GRSF1: variants seen among roughly 807,000 people sequenced by gnomAD.
GRSF1 encodes the protein G-rich RNA sequence binding factor 1.
A neutral mutation model predicts 51.1 loss-of-function variants in GRSF1; 50 were observed. The ratio of observed to expected loss-of-function variants is 0.98; its 90% CI spans 0.78 to 1.24. The LOEUF (loss-of-function observed/expected upper bound fraction) is 1.24, where lower values mean the gene tolerates loss of function less well. Ranked by LOEUF, GRSF1 falls within the 50% of genes most tolerant of loss-of-function variation. GRSF1 has a pLI of 0.00. For missense variants in GRSF1, 700 were observed against 639.7 expected, an observed-to-expected ratio of 1.09 and a Z score of -1.02; for synonymous variants, 293 against 253.3, an observed-to-expected ratio of 1.16 and a Z score of -1.49.
chr4:70,839,465 A>G lies in GRSF1; in HGVS notation c.357+6T>C, dbSNP rs1734370556. The G allele has an allele frequency of 8.9e-6, 13 of 1,459,202 alleles. No homozygotes were observed. In the Admixed American group the frequency reaches 3.1e-4, roughly 34 times the overall value. 90.4% of individuals were successfully genotyped at this position (1,459,202 alleles called of 1,614,324 possible). On this transcript the variant is annotated splice_donor_region_variant and intron_variant, in intron 1 of 9. Transcript: ENST00000254799. The stretch of plus-strand genomic sequence containing the variant: ...TCGCGCCAGGTCCCTCACGGCGCCC[A>G]CGTACCTGGCTGTAGCTGCGCGTCG...
Position 70,839,683 on chromosome 4 carries a change from G to A in GRSF1, c.145C>T (p.Leu49=). The change falls in exon 1 of 10, where the codon CTG becomes TTG. Residue 49 remains leucine (L), a synonymous_variant. Coordinates refer to ENST00000254799, the MANE Select transcript of GRSF1 (RefSeq NM_002092.4). ...IPSGVSGRRR[L]LLLLGAAAAA... ...GCGGCGGCCCCGAGCAGCAGCAGCA[G>A]GCGGCGGCGGCCCGAGACGCCCGAC... 6.9e-7 allele frequency: 1 copy of A among 1,443,284 alleles called. No individual in the cohort carries two copies. Among genetic ancestry groups the A allele is most frequent in the Non-Finnish European group, 9.0e-7 (1 of 1,109,318 alleles). The allele number at this position is 1,443,284 out of a possible 1,614,324, so 89.4% of individuals were successfully genotyped here.
intron 9 of GRSF1, among the ~76,000 whole-genome samples, chr4:70,821,095 TTAACACCAA>T (rs1733477508): frequency 6.6e-6 from 1 of 152,184 alleles, no homozygotes; most frequent in South Asian, 2.1e-4. Context: ...TTATAAATAT[TTAACACCAA>T]AGAATTGTGG....
At chr4:70,825,560 T>C (rs1041622996) in intron 7 of GRSF1, 129 bp from the exon 8 acceptor site, 6 of 606,984 alleles carry the variant, frequency 9.9e-6, no homozygotes, top group Non-Finnish European at 1.6e-5. Context: ...AGGAAATCTT[T>C]TTAAGCAGTA....
rs1452017655 is a variant in GRSF1, at chr4:70,825,947, C to T, written c.1257+177G>A. The T allele has an allele frequency of 5.2e-6, 3 of 576,310 alleles. No homozygotes were observed. In the African/African-American group the frequency reaches 5.8e-5, roughly 11 times the overall value. 35.7% of individuals were successfully genotyped at this position (576,310 alleles called of 1,614,324 possible). A position where few individuals can be genotyped will look rare whatever the true frequency, so the allele number is the denominator to read the frequency against. On this transcript the variant is annotated intron_variant, in intron 7 of 9. Coordinates refer to ENST00000254799, the MANE Select transcript of GRSF1 (RefSeq NM_002092.4). Reference sequence around the variant, plus strand: ...ACTCTGTCACAAAAAAAAGTAATACCAAGCCACACTTTTCAGCTACAGAAA... The same window carrying T: ...ACTCTGTCACAAAAAAAAGTAATACTAAGCCACACTTTTCAGCTACAGAAA...
At chr4:70,841,426 T>C (rs4694346), upstream of GRSF1, among the ~76,000 whole-genome samples, 147,140 of 152,358 alleles carry the variant, frequency 0.97, 71,254 homozygotes, top group Middle Eastern at 1. Flanking sequence ...GTGCAGCTTT[T>C]CTCCTCCTGA....
Position 70,825,402 on chromosome 4 carries a change from G to A in GRSF1, c.1287C>T (p.Ile429=), listed in dbSNP as rs1447087203. The change falls in exon 8 of 10, where the codon ATC becomes ATT. Residue 429 remains isoleucine (I), a synonymous_variant. Transcript: ENST00000254799. ...NFFAPLKPVR[I]TMEYSSSGKA... ...TCCCACTGGAGCTGTATTCCATGGT[G>A]ATTCTAACAGGCTTGAGTGGAGCAA... is the stretch of plus-strand genomic sequence containing the variant. 2 of 1,611,504 alleles carry A rather than the reference G, an allele frequency of 1.2e-6. No homozygotes were observed. Among genetic ancestry groups the A allele is most frequent in the Middle Eastern group, 1.7e-4 (1 of 6,056 alleles).
chr4:70,838,985 C>A (rs1734341258), intron 1 of GRSF1: 1 of 427,962 alleles, frequency 2.3e-6, no homozygotes, highest in African/African-American at 2.1e-5. Flanking sequence ...TACAAGCCAG[C>A]CCACGCAACT....
intron 3 of GRSF1, 39 bp from the exon 4 acceptor site, chr4:70,832,489 T>C (rs527528301): frequency 1.5e-6 from 2 of 1,313,982 alleles, no homozygotes; most frequent in East Asian, 2.3e-5. Context: ...AAAATTTACA[T>C]AACAAAGGAA....
intron 3 of GRSF1, 142 bp downstream of exon 3, chr4:70,832,972 CTCTT>C (rs953324970): frequency 1.3e-5 from 9 of 717,470 alleles, no homozygotes; most frequent in Non-Finnish European, 1.9e-5. Flanking sequence ...GAAACTTTAT[CTCTT>C]TATGTTTTAT....
chr4:70,840,947 G>T (rs1477336021), upstream of GRSF1, among the ~76,000 whole-genome samples: 1 of 152,156 alleles, frequency 6.6e-6, no homozygotes, highest in African/African-American at 2.4e-5. Context: ...TAATATCAGA[G>T]ATTTGGTACC....
intron 1 of GRSF1, 61 bp downstream of exon 1, chr4:70,839,388 CACGGAGGGACGGAGGGGCGCGG>C (rs1257393044): frequency 6.6e-7 from 1 of 1,508,438 alleles, no homozygotes; most frequent in African/African-American, 1.4e-5. Flanking sequence ...GCGAGGCGCA[CACGGAGGGACGGAGGGGCGCGG>C]GGGCGCGTGC....
intron 3 of GRSF1, 73 bp downstream of exon 3, chr4:70,833,045 A>G: frequency 7.7e-7 from 1 of 1,304,240 alleles, no homozygotes; most frequent in South Asian, 1.3e-5. Context: ...ATTAAGGATC[A>G]AATAAAAACT....
At position 70,829,051 on chromosome 4, in the gene GRSF1, A is replaced by ATTT. The variant is rs1179883446; in HGVS notation, c.951-1018_951-1016dup. Among the ~76,000 whole-genome samples the ATTT allele has an allele frequency of 2.0e-5, 3 of 151,420 alleles. No homozygotes were observed. The East Asian group carries it at 5.9e-4, about 30-fold the overall frequency. The stretch of plus-strand genomic sequence containing the variant: ...ACCATGCCCAGCCCACACACTGCTA[A>ATTT]TTTTTTTATTTTTTATTTTTGTAGA... On this transcript the variant is annotated intron_variant, in intron 5 of 9. Coordinates refer to ENST00000254799, the MANE Select transcript of GRSF1 (RefSeq NM_002092.4).
chr4:70,838,129 G>T (rs994545824), intron 1 of GRSF1, among the ~76,000 whole-genome samples: 2 of 144,954 alleles, frequency 1.4e-5, no homozygotes, highest in African/African-American at 5.1e-5. Flanking sequence ...TGAAGCAGGA[G>T]AATGGCGTGA....
In GRSF1 at chr4:70,836,319, C is replaced by A; in HGVS notation, c.358-5G>T. On this transcript the variant is annotated splice_polypyrimidine_tract_variant and splice_region_variant and intron_variant, in intron 1 of 9. Coordinates refer to ENST00000254799, the MANE Select transcript of GRSF1 (RefSeq NM_002092.4). The stretch of plus-strand genomic sequence containing the variant: ...CAGGTAAGTAGTTTTGGACTCCTTC[C>A]AAAGGAAATGAAGAATTGTAAAAAG... The A allele has an allele frequency of 6.5e-7, 1 of 1,548,688 alleles. No individual in the cohort carries two copies. The highest frequency in any genetic ancestry group is 8.7e-7 in the Non-Finnish European group (1 of 1,152,452).
chr4:70,827,736 A>C, intron 6 of GRSF1, 116 bp downstream of exon 6: 1 of 706,684 alleles, frequency 1.4e-6, no homozygotes. Context: ...CCGAGATCGC[A>C]CCACTGCACT....
rs1273146187 is a variant in GRSF1, at chr4:70,836,148, T to C, written c.514+10A>G. On this transcript the variant is annotated intron_variant, in intron 2 of 9. Transcript: ENST00000254799. ...AAAAAATAAATAAATAAAACATACA[T>C]AAAATATACCTGAAAAAAAGTTAAG... 6.9e-7 allele frequency: 1 copy of C among 1,441,470 alleles called. No homozygotes were observed. 89.3% of individuals were successfully genotyped at this position (1,441,470 alleles called of 1,614,324 possible).
intron 4 of GRSF1, 101 bp from the exon 5 acceptor site, chr4:70,831,775 G>T: frequency 1.9e-6 from 2 of 1,067,226 alleles, no homozygotes; most frequent in Non-Finnish European, 2.7e-6. Flanking sequence ...TGTTTTGCCA[G>T]TCCCAAAACT....
chr4:70,825,231 A>C, intron 8 of GRSF1, 65 bp downstream of exon 8: 2 of 1,379,942 alleles, frequency 1.4e-6, no homozygotes, highest in Non-Finnish European at 2.0e-6. Context: ...CCCAAAACAG[A>C]AAAAGATATT....
Sources: gnomAD v4.1 joint callset for allele counts (sites outside exome capture counted in the v4.1 genomes callset) on GRCh38, gnomAD v4.1.1 for gene constraint, MANE v1.5 for transcripts, NCBI Gene and HGNC (gene_info 2026-07-23, HGNC 2026-07-21) for gene names.